The following FAM219A variants were observed in gnomAD, a reference collection of about 807,000 sequenced individuals.
FAM219A encodes the protein protein FAM219A.
In FAM219A, 7 loss-of-function variants were observed where a neutral mutation model predicts 23.4. The ratio of observed to expected loss-of-function variants is 0.30; its 90% CI spans 0.17 to 0.56. The LOEUF (loss-of-function observed/expected upper bound fraction) is 0.56, where lower values mean the gene tolerates loss of function less well. FAM219A is among the 20% of genes least tolerant of loss of function. The pLI, the probability that FAM219A is intolerant of heterozygous loss-of-function variation, is 0.92. For synonymous variants in FAM219A, 93 were observed against 99.0 expected (o/e 0.94, Z 0.36); for missense variants, 166 against 246.9 (o/e 0.67, Z 2.20).
chr9:34,403,933 GCTT>G (rs1311646759), intron 2 of FAM219A, among the ~76,000 whole-genome samples: 1 of 152,088 alleles, frequency 6.6e-6, no homozygotes, highest in Non-Finnish European at 1.5e-5. Context: ...CTTTTTCCCA[GCTT>G]CTTTCCAGCA....
chr9:34,406,188 A>G lies in FAM219A; in HGVS notation c.61-224T>C. ...AGGATCTGGGTTCCATGTACACCCA[A>G]CTTGGTGTCTGTCCTCAAAGTCCTG... On this transcript the variant is annotated intron_variant, in intron 1 of 5. Transcript: ENST00000651358. 5.7e-6 allele frequency: 4 copies of G among 704,854 alleles called. No individual in the cohort carries two copies. In the South Asian group the frequency reaches 2.5e-4, roughly 45 times the overall value. The allele number at this position is 704,854 out of a possible 1,614,324, so 43.7% of individuals were successfully genotyped here.
chr9:34,405,925 C>T lies in FAM219A; in HGVS notation c.100G>A (p.Ala34Thr), dbSNP rs754900062. 77 of 1,613,334 alleles carry T rather than the reference C, an allele frequency of 4.8e-5. No individual in the cohort carries two copies. Among genetic ancestry groups the T allele is most frequent in the Non-Finnish European group, 6.3e-5 (74 of 1,179,662 alleles). The change falls in exon 2 of 6, where the codon GCC (alanine) becomes ACC (threonine). Residue 34 changes from alanine (A) to threonine (T), a missense_variant. Coordinates refer to ENST00000651358, the MANE Select transcript of FAM219A (RefSeq NM_001184940.2). ...AASISDGDCD[A>T]REGESVAMNY... ...ATGGCTACTGACTCACCCTCCCGGG[C>T]GTCACAGTCTCCGTCAGAGATGGAG...
At chr9:34,453,556 T>C (rs1588078886) in intron 1 of FAM219A, among the ~76,000 whole-genome samples, 1 of 152,310 alleles carries the variant, frequency 6.6e-6, no homozygotes, top group South Asian at 2.1e-4. Context: ...ACTGGAGAGA[T>C]CTTACTTGTC....
rs532026782 is a variant in FAM219A, at chr9:34,404,833, A to G, written c.160+1032T>C. ...AGGAGAGGACTATTCTTGTTTAGAA[A>G]AACAGCTCGAGGGGCTCCCTGGATG... On this transcript the variant is annotated intron_variant, in intron 2 of 5. Transcript: ENST00000651358. 2.6e-5 allele frequency among the ~76,000 whole-genome samples: 4 copies of G among 152,350 alleles called. No homozygotes were observed. The South Asian group carries it at 8.3e-4, about 32-fold the overall frequency.
At chr9:34,440,855 A>G (rs1472598092) in intron 1 of FAM219A, among the ~76,000 whole-genome samples, 2 of 151,962 alleles carry the variant, frequency 1.3e-5, no homozygotes, top group Non-Finnish European at 2.9e-5. Flanking sequence ...GGTCTCAAAA[A>G]AAAAAAAAAA....
intron 1 of FAM219A, among the ~76,000 whole-genome samples, chr9:34,421,258 ATG>A (rs1822271901): frequency 6.6e-6 from 1 of 151,614 alleles, no homozygotes; most frequent in South Asian, 2.1e-4. Context: ...AAGAAAGTTC[ATG>A]TGTGTGTGTT....
chr9:34,419,383 G>A (rs974721840), intron 1 of FAM219A, among the ~76,000 whole-genome samples: 3 of 152,092 alleles, frequency 2.0e-5, no homozygotes, highest in Non-Finnish European at 2.9e-5. Context: ...TCTACTTGAG[G>A]TGCCCCTTAG....
At chr9:34,438,374 G>C (rs112860081) in intron 1 of FAM219A, among the ~76,000 whole-genome samples, 1 of 152,238 alleles carries the variant, frequency 6.6e-6, no homozygotes, top group Non-Finnish European at 1.5e-5. Flanking sequence ...CTGCAGCACC[G>C]GTGCGGGATC....
chr9:34,416,395 T>C (rs1376508388), intron 1 of FAM219A, among the ~76,000 whole-genome samples: 2 of 152,082 alleles, frequency 1.3e-5, no homozygotes, highest in Non-Finnish European at 2.9e-5. Context: ...TAGCTTCAGT[T>C]GGGTTTTTTA....
intron 1 of FAM219A, among the ~76,000 whole-genome samples, chr9:34,451,118 A>G (rs548909950): frequency 1.5e-4 from 23 of 152,304 alleles, no homozygotes; most frequent in African/African-American, 5.1e-4. Flanking sequence ...TCCTGCGGGC[A>G]TGTGTCTACC....
intron 1 of FAM219A, chr9:34,406,471 C>T (rs185427899): frequency 2.0e-6 from 2 of 985,330 alleles, no homozygotes; most frequent in African/African-American, 3.5e-5. Flanking sequence ...GACCAAGCCA[C>T]ACCAGCCTTC....
At chr9:34,441,978 C>A (rs1588069059) in intron 1 of FAM219A, among the ~76,000 whole-genome samples, 1 of 152,164 alleles carries the variant, frequency 6.6e-6, no homozygotes, top group East Asian at 1.9e-4. Context: ...CCTGCCTTGG[C>A]CACCCAAAGT....
At chr9:34,441,170 A>G (rs1477279749) in intron 1 of FAM219A, among the ~76,000 whole-genome samples, 1 of 152,200 alleles carries the variant, frequency 6.6e-6, no homozygotes, top group Non-Finnish European at 1.5e-5. Context: ...TCCTTGCCAG[A>G]GCCCAGGCTG....
At chr9:34,415,277 G>C (rs551266481) in intron 1 of FAM219A, among the ~76,000 whole-genome samples, 1 of 152,204 alleles carries the variant, frequency 6.6e-6, no homozygotes, top group Non-Finnish European at 1.5e-5. Flanking sequence ...ACTCGGGCTA[G>C]AGTTTGGGAG....
chr9:34,419,337 G>A (rs867841830), intron 1 of FAM219A, among the ~76,000 whole-genome samples: 11 of 152,038 alleles, frequency 7.2e-5, no homozygotes, highest in Admixed American at 3.3e-4. Context: ...GGAGTTGGAC[G>A]GGGCTGGGGA....
At chr9:34,441,484 C>T (rs1487610992) in intron 1 of FAM219A, among the ~76,000 whole-genome samples, 1 of 152,158 alleles carries the variant, frequency 6.6e-6, no homozygotes, top group Non-Finnish European at 1.5e-5. Flanking sequence ...GGTCTGAAGA[C>T]ACTCCAGGGC....
intron 1 of FAM219A, among the ~76,000 whole-genome samples, chr9:34,435,674 T>G (rs1822878321): frequency 1.3e-5 from 2 of 152,354 alleles, no homozygotes; most frequent in South Asian, 4.1e-4. Flanking sequence ...CACAATGAAA[T>G]GCATCTATCA....
chr9:34,430,876 T>A (rs967894248), intron 1 of FAM219A, among the ~76,000 whole-genome samples: 1 of 125,212 alleles, frequency 8.0e-6, no homozygotes, highest in Admixed American at 7.6e-5. Flanking sequence ...ATAAGTTAAA[T>A]GGGCACAATG....
intron 1 of FAM219A, among the ~76,000 whole-genome samples, chr9:34,433,985 A>G (rs553152739): frequency 1.7e-3 from 253 of 151,962 alleles, no homozygotes; most frequent in African/African-American, 5.9e-3. Context: ...GGCGGATCAC[A>G]AGGTCAGGAG....
Sources: gnomAD v4.1 joint callset for allele counts (sites outside exome capture counted in the v4.1 genomes callset) on GRCh38, gnomAD v4.1.1 for gene constraint, MANE v1.5 for transcripts, NCBI Gene and HGNC (gene_info 2026-07-23, HGNC 2026-07-21) for gene names.